The following RAD23B variants were observed in gnomAD, a reference collection of about 807,000 sequenced individuals.
RAD23B encodes RAD23 nucleotide excision repair protein B.
Under a neutral mutation model 49.1 loss-of-function variants are expected in RAD23B, and 5 were observed. The ratio of observed to expected loss-of-function variants is 0.10; its 90% CI spans 0.05 to 0.21. The LOEUF is 0.21. RAD23B is among the 10% of genes least tolerant of loss of function. The pLI is 1.00. For synonymous variants in RAD23B, 184 were observed against 165.4 expected (o/e 1.11, Z -0.86); for missense variants, 356 against 486.7 (o/e 0.73, Z 2.53).
chr9:107,326,761 G>A (rs1827214582), intron 9 of RAD23B, among the ~76,000 whole-genome samples: 2 of 148,342 alleles, frequency 1.3e-5, no homozygotes, highest in South Asian at 4.4e-4. Context: ...AGCCTCCCGA[G>A]TAGCTGGGAC....
At chr9:107,303,431 A>G (rs557951405) in intron 3 of RAD23B, among the ~76,000 whole-genome samples, 3 of 152,330 alleles carry the variant, frequency 2.0e-5, no homozygotes, top group South Asian at 2.1e-4. Flanking sequence ...TGATTTTGCT[A>G]TACTTAAGAA....
chr9:107,284,913 GGTAT>G (rs1833244618), intron 1 of RAD23B: 1 of 1,294,984 alleles, frequency 7.7e-7, no homozygotes, highest in Middle Eastern at 2.1e-4. Context: ...AAGATTAGAT[GGTAT>G]GTATTTACTT....
intron 1 of RAD23B, chr9:107,284,947 C>T (rs1254584850): frequency 7.7e-7 from 1 of 1,301,098 alleles, no homozygotes; most frequent in Admixed American, 2.3e-5. Flanking sequence ...TAAATGGAAT[C>T]GATTATTTAA....
chr9:107,296,924 G>C (rs1004438199), intron 1 of RAD23B, among the ~76,000 whole-genome samples: 1 of 145,660 alleles, frequency 6.9e-6, no homozygotes, highest in Non-Finnish European at 1.5e-5. Flanking sequence ...GCACAATTTC[G>C]GCTCACTGCA....
chr9:107,285,372 C>T (rs2133059342), intron 1 of RAD23B, among the ~76,000 whole-genome samples: 1 of 152,218 alleles, frequency 6.6e-6, no homozygotes, highest in South Asian at 2.1e-4. Context: ...TGTTGGTGCC[C>T]CAGTAACTTA....
chr9:107,309,487 A>G (rs572183010), intron 4 of RAD23B, among the ~76,000 whole-genome samples: 2 of 152,340 alleles, frequency 1.3e-5, no homozygotes, highest in Admixed American at 6.5e-5. Context: ...GTGTAGAAGA[A>G]AAGAAGGCAA....
chr9:107,300,193 C>A lies in RAD23B; in HGVS notation c.119C>A (p.Pro40Gln). ...IESEKGKDAF[P>Q]VAGQKLIYAG... The stretch of plus-strand genomic sequence containing the variant: ...TCTGAAAAGGGGAAAGATGCCTTTC[C>A]AGTAGCAGGTCAAAAATTAATTTAT... The change falls in exon 2 of 10, where the codon CCA becomes CAA. Residue 40 changes from proline (P) to glutamine (Q), a missense_variant. Around this residue, in one of 5 missense-constraint regions of RAD23B, gnomAD observed 32 missense variants for 62.3 expected, o/e 0.51. Transcript: ENST00000358015. 6.2e-7 allele frequency: 1 copy of A among 1,608,072 alleles called. No homozygotes were observed. The highest frequency in any genetic ancestry group is 8.5e-7 in the Non-Finnish European group (1 of 1,177,054).
chr9:107,294,617 A>G (rs1348456015), intron 1 of RAD23B, among the ~76,000 whole-genome samples: 1 of 152,232 alleles, frequency 6.6e-6, no homozygotes, highest in Non-Finnish European at 1.5e-5. Flanking sequence ...AGTATGCTCA[A>G]TTAGGTTGGA....
intron 1 of RAD23B, among the ~76,000 whole-genome samples, chr9:107,286,088 G>T (rs1424242491): frequency 1.3e-5 from 2 of 152,166 alleles, no homozygotes; most frequent in Non-Finnish European, 2.9e-5. Flanking sequence ...CCTGTTTTTG[G>T]TCTGGTCACA....
chr9:107,328,666 C>T (rs1301807520), intron 9 of RAD23B, among the ~76,000 whole-genome samples: 2 of 152,144 alleles, frequency 1.3e-5, no homozygotes, highest in Non-Finnish European at 2.9e-5. Context: ...TCCTCCCGTG[C>T]GGCCCAGTTC....
chr9:107,285,886 A>G (rs1188381827), intron 1 of RAD23B, among the ~76,000 whole-genome samples: 2 of 152,156 alleles, frequency 1.3e-5, no homozygotes, highest in Non-Finnish European at 2.9e-5. Context: ...AACTGTTTCA[A>G]TTCTATGTTT....
rs767087752 is a variant in RAD23B at position 107,306,591 on chromosome 9, G to T, written c.441G>T (p.Lys147Asn). 10 of 1,614,046 alleles carry T rather than the reference G, an allele frequency of 6.2e-6. No homozygotes were observed. The South Asian group carries it at 7.7e-5, about 12-fold the overall frequency. The part of the protein sequence containing the change: ...PAPASAAKQE[K>N]PAEKPAETPV... ...CTGCTAGTGCAGCTAAACAAGAGAA[G>T]CCTGCAGAAAAGCCAGCAGAGACAC... The change falls in exon 4 of 10, where the codon AAG becomes AAT. Residue 147 changes from lysine to asparagine, a missense_variant. Lys to Asn is a moderately conservative substitution (Grantham distance 94). Around this residue, in one of 5 missense-constraint regions of RAD23B, gnomAD observed 137 missense variants for 122.0 expected, o/e 1.12. Transcript: ENST00000358015.
At position 107,283,587 on chromosome 9, in the gene RAD23B, AGCACCCGGCGCAGGCCCG is replaced by A. The variant is rs1833201363; in HGVS notation, c.-39_-22del. 6.9e-7 allele frequency: 1 copy of A among 1,449,418 alleles called. No homozygotes were observed. The highest frequency in any genetic ancestry group is 9.2e-7 in the Non-Finnish European group (1 of 1,091,884). The allele number at this position is 1,449,418 out of a possible 1,614,324, so 89.8% of individuals were successfully genotyped here. A position where few individuals can be genotyped will look rare whatever the true frequency, so the allele number is the denominator to read the frequency against. The stretch of plus-strand genomic sequence containing the variant: ...AGGCCACAGACCCCGCCCAGCGGCC[AGCACCCGGCGCAGGCCCG>A]GCAGCCGAGCTGCGCGGCGGCACCA... On this transcript the variant is annotated 5_prime_UTR_variant, in exon 1 of 10. Coordinates refer to ENST00000358015, the MANE Select transcript of RAD23B (RefSeq NM_002874.5).
chr9:107,309,616 G>A, intron 4 of RAD23B, among the ~76,000 whole-genome samples: 1 of 152,118 alleles, frequency 6.6e-6, no homozygotes, highest in Admixed American at 6.6e-5. Context: ...CTTATCTGTG[G>A]TGTTTAAAGA....
At chr9:107,310,373 C>G (rs1206134197) in intron 4 of RAD23B, among the ~76,000 whole-genome samples, 1 of 152,016 alleles carries the variant, frequency 6.6e-6, no homozygotes, top group East Asian at 1.9e-4. Context: ...ATGAATTTGA[C>G]TATAGAAAGA....
chr9:107,314,696 G>A (rs1002251996), intron 5 of RAD23B, among the ~76,000 whole-genome samples: 1 of 152,090 alleles, frequency 6.6e-6, no homozygotes, highest in Admixed American at 6.6e-5. Context: ...CATAGTAGTG[G>A]GATTTCTGGA....
chr9:107,299,638 C>G (rs765151652), intron 1 of RAD23B, among the ~76,000 whole-genome samples: 2 of 152,176 alleles, frequency 1.3e-5, no homozygotes, highest in Non-Finnish European at 2.9e-5. Flanking sequence ...GTCCCACTCT[C>G]AGAGATTATG....
At chr9:107,305,044 C>G (rs1410902960) in intron 3 of RAD23B, among the ~76,000 whole-genome samples, 1 of 152,038 alleles carries the variant, frequency 6.6e-6, no homozygotes, top group Admixed American at 6.5e-5. Context: ...ATCCCATCGC[C>G]TTGGGAGGCC....
intron 4 of RAD23B, among the ~76,000 whole-genome samples, chr9:107,307,753 C>G (rs541943135): frequency 2.0e-5 from 3 of 152,308 alleles, no homozygotes; most frequent in African/African-American, 4.8e-5. Flanking sequence ...CCACCTGGTT[C>G]ATTGCTTACT....
Sources: gnomAD v4.1 joint callset for allele counts (sites outside exome capture counted in the v4.1 genomes callset) on GRCh38, gnomAD v4.1.1 for gene constraint, gnomAD v4.1.1 regional missense constraint, MANE v1.5 for transcripts, NCBI Gene and HGNC (gene_info 2026-07-23, HGNC 2026-07-21) for gene names.